Variants in DAB2 observed in about 807,000 individuals in gnomAD.
DAB2 encodes disabled homolog 2.
In DAB2, 28 loss-of-function variants were observed where a neutral mutation model predicts 71.6. The ratio of observed to expected loss-of-function variants is 0.39; its 90% confidence interval spans 0.29 to 0.54. The LOEUF is 0.54. Ranked by LOEUF, DAB2 falls within the 20% of genes least tolerant of loss-of-function variation. DAB2 has a pLI of 0.68. For missense variants in DAB2, 867 were observed against 928.8 expected (o/e 0.93, Z 0.86); for synonymous variants, 345 against 339.7 (o/e 1.02, Z -0.17).
intron 11 of DAB2, among the ~76,000 whole-genome samples, chr5:39,378,689 G>A (rs1754888548): frequency 6.6e-6 from 1 of 152,142 alleles, no homozygotes; most frequent in East Asian, 1.9e-4. Flanking sequence ...AGGAAACTGG[G>A]TGCAAGAATA....
intron 1 of DAB2, among the ~76,000 whole-genome samples, chr5:39,404,734 A>C (rs1385665599): frequency 6.6e-6 from 1 of 152,038 alleles, no homozygotes; most frequent in Non-Finnish European, 1.5e-5. Flanking sequence ...GCCCACCACT[A>C]GGCCCAGCTA....
intron 1 of DAB2, among the ~76,000 whole-genome samples, chr5:39,411,469 G>C (rs1466686601): frequency 6.6e-6 from 1 of 152,076 alleles, no homozygotes; most frequent in Non-Finnish European, 1.5e-5. Context: ...TTAGATAGGG[G>C]CTCCATTTGT....
chr5:39,390,694 G>T, intron 4 of DAB2, 119 bp from the exon 5 acceptor site: 1 of 655,864 alleles, frequency 1.5e-6, no homozygotes, highest in Non-Finnish European at 2.5e-6. Flanking sequence ...ACCATTTGAA[G>T]ATAGACTTTT....
At chr5:39,415,414 C>T (rs116711352) in intron 1 of DAB2, among the ~76,000 whole-genome samples, 33 of 152,262 alleles carry the variant, frequency 2.2e-4, no homozygotes, top group African/African-American at 7.9e-4. Context: ...ACACTATGCT[C>T]ATTTGGCATT....
rs1052645253 is a variant in DAB2, at chr5:39,424,805, G to A, written c.-103C>T. ...AAGAAGGGTTTCGAAGCTACTCACC[G>A]GCTAGCTATTGCCTCCGTGAAGCGA... On this transcript the variant is annotated splice_region_variant and 5_prime_UTR_variant, in exon 1 of 15. Coordinates refer to ENST00000320816, the MANE Select transcript of DAB2 (RefSeq NM_001343.4). 6.6e-6 allele frequency: 1 copy of A among 152,354 alleles called. No individual in the cohort carries two copies. The highest frequency in any genetic ancestry group is 1.5e-5 in the Non-Finnish European group (1 of 68,002). 9.4% of individuals were successfully genotyped at this position (152,354 alleles called of 1,614,324 possible).
intron 1 of DAB2, among the ~76,000 whole-genome samples, chr5:39,396,115 AGTTTT>A (rs1755364886): frequency 6.6e-6 from 1 of 151,650 alleles, no homozygotes; most frequent in South Asian, 2.1e-4. Flanking sequence ...CGCCCGGCTA[AGTTTT>A]GTATTTTCAG....
intron 1 of DAB2, among the ~76,000 whole-genome samples, chr5:39,402,680 A>G (rs568765380): frequency 6.6e-6 from 1 of 152,276 alleles, no homozygotes; most frequent in African/African-American, 2.4e-5. Context: ...GGCCTCTCAA[A>G]ATGTTGTAAT....
chr5:39,415,447 G>T lies in DAB2; in HGVS notation c.-102+9357C>A, dbSNP rs533008392. 1.9e-4 allele frequency among the ~76,000 whole-genome samples: 29 copies of T among 152,278 alleles called. 1 individual carries two copies. The South Asian group carries it at 6.0e-3, about 32-fold the overall frequency. ...ATTCAGTCTGGCATTCACTTAAGAA[G>T]TACAAGCAATTCAGGGAACTTCTGT... is the stretch of plus-strand genomic sequence containing the variant. On this transcript the variant is annotated intron_variant, in intron 1 of 14. Transcript: ENST00000320816.
intron 1 of DAB2, among the ~76,000 whole-genome samples, chr5:39,414,110 GC>G (rs375943641): frequency 2.0e-5 from 3 of 151,892 alleles, no homozygotes; most frequent in African/African-American, 7.2e-5. Flanking sequence ...AAACTCTTAT[GC>G]TAGGATTTTC....
rs144814734 is a variant in DAB2, at chr5:39,401,055, T to C, written c.-101-6634A>G. On this transcript the variant is annotated intron_variant, in intron 1 of 14. Coordinates refer to ENST00000320816, the MANE Select transcript of DAB2 (RefSeq NM_001343.4). ...GCGATGCTGTAGCAAAGTTAGACTGTTTCTGATACTTTATGCAAATCCTTC... is the reference window on the plus strand; with the variant it reads ...GCGATGCTGTAGCAAAGTTAGACTGCTTCTGATACTTTATGCAAATCCTTC... Among the ~76,000 whole-genome samples, 1,054 of 152,368 alleles carry C rather than the reference T, an allele frequency of 6.9e-3. 3 individuals carry two copies. The highest frequency in any genetic ancestry group is 0.024 in the South Asian group (118 of 4,830).
Position 39,377,277 on chromosome 5 carries a change from C to A in DAB2, c.1510G>T (p.Val504Leu), listed in dbSNP as rs771645127. The A allele has an allele frequency of 1.2e-6, 2 of 1,608,512 alleles. No individual in the cohort carries two copies. The highest frequency in any genetic ancestry group is 1.7e-5 in the Admixed American group (1 of 59,214). ...PVGPLVGLGG[V>L]TVTLPQAGPW... The stretch of plus-strand genomic sequence containing the variant: ...CCTGCCTGAGGGAGTGTGACAGTTA[C>A]ACCACCTGAAGTAAGAGGAAGAAAA... Residue 504 changes from valine to leucine, a missense_variant, in exon 12 of 15, where the codon GTA becomes TTA. Around this residue, in one of 2 missense-constraint regions of DAB2, gnomAD observed 740 missense variants for 734.3 expected, o/e 1.01. Coordinates refer to ENST00000320816, the MANE Select transcript of DAB2 (RefSeq NM_001343.4).
In DAB2 at chr5:39,382,792, G is replaced by C. The variant is rs749836168; in HGVS notation, c.1167C>G (p.Phe389Leu). The C allele has an allele frequency of 6.2e-7, 1 of 1,614,088 alleles. No homozygotes were observed. Among genetic ancestry groups the C allele is most frequent in the South Asian group, 1.1e-5 (1 of 91,078 alleles). The part of the protein sequence containing the change: ...NGVSEREQNG[F>L]SVKSSPNPFV... ...AAGGGTTCGGGGAGGATTTGACAGA[G>C]AAGCCGTTCTGTTCTCTTTCAGATA... The change falls in exon 10 of 15, where the codon TTC becomes TTG. Residue 389 changes from phenylalanine to leucine, a missense_variant. By Grantham distance (22) the Phe-to-Leu change is conservative (BLOSUM62 0). Around this residue, in one of 2 missense-constraint regions of DAB2, gnomAD observed 740 missense variants for 734.3 expected, o/e 1.01. Transcript: ENST00000320816.
At chr5:39,374,123 AT>A (rs1473673030) in intron 14 of DAB2, among the ~76,000 whole-genome samples, 2 of 152,194 alleles carry the variant, frequency 1.3e-5, no homozygotes, top group African/African-American at 4.8e-5. Context: ...TCTATTAAAA[AT>A]AATTACATTC....
At position 39,422,126 on chromosome 5, in the gene DAB2, C is replaced by A. The variant is rs957965213; in HGVS notation, c.-102+2678G>T. On this transcript the variant is annotated intron_variant, in intron 1 of 14. Coordinates refer to ENST00000320816, the MANE Select transcript of DAB2 (RefSeq NM_001343.4). The surrounding 1 kb of genome is among the most constrained non-coding windows in gnomAD (Gnocchi z 4.1). ...TGTTTCACCTAAATATGATTTTGGC[C>A]AACCTTTGTGCAATTCAGCGGCACA... is the stretch of plus-strand genomic sequence containing the variant. 1.5e-4 allele frequency among the ~76,000 whole-genome samples: 23 copies of A among 151,922 alleles called. No individual in the cohort carries two copies. The East Asian group carries it at 3.1e-3, about 20-fold the overall frequency.
At chr5:39,390,119 G>T (rs11740166) in intron 5 of DAB2, among the ~76,000 whole-genome samples, 187 bp from the exon 6 acceptor site, 2 of 152,014 alleles carry the variant, frequency 1.3e-5, no homozygotes, top group Non-Finnish European at 2.9e-5. Context: ...AGACAGCAGG[G>T]TTAATAAGTA....
Position 39,376,663 on chromosome 5 carries a change from C to G in DAB2, c.2124G>C (p.Leu708Phe), listed in dbSNP as rs760915155. The change falls in exon 12 of 15, where the codon TTG (leucine) becomes TTC (phenylalanine). Residue 708 changes from leucine (L) to phenylalanine (F), a missense_variant. Around this residue, in one of 2 missense-constraint regions of DAB2, gnomAD observed 740 missense variants for 734.3 expected, o/e 1.01. Coordinates refer to ENST00000320816, the MANE Select transcript of DAB2 (RefSeq NM_001343.4). ...DHDDFDANQL[L>F]NKINEPPKPA... Reference sequence around the variant, plus strand: ...TGAGTGGCTTACCATTGATCTTGTTCAATAGTTGATTAGCATCAAAGTCAT... The same window carrying G: ...TGAGTGGCTTACCATTGATCTTGTTGAATAGTTGATTAGCATCAAAGTCAT... 1.7e-5 allele frequency: 28 copies of G among 1,613,602 alleles called. No individual in the cohort carries two copies. The highest frequency in any genetic ancestry group is 2.0e-5 in the Non-Finnish European group (24 of 1,179,924).
At chr5:39,380,980 G>T (rs1561366395) in intron 11 of DAB2, among the ~76,000 whole-genome samples, 1 of 152,124 alleles carries the variant, frequency 6.6e-6, no homozygotes, top group South Asian at 2.1e-4. Flanking sequence ...TTCACTCTAT[G>T]ACTTATTCTT....
At chr5:39,399,075 G>T (rs1755441591) in intron 1 of DAB2, among the ~76,000 whole-genome samples, 1 of 152,176 alleles carries the variant, frequency 6.6e-6, no homozygotes, top group South Asian at 2.1e-4. Flanking sequence ...CTGGGGCTCT[G>T]TTGAAGAAAG....
chr5:39,414,762 G>C (rs1755811387), intron 1 of DAB2, among the ~76,000 whole-genome samples: 1 of 151,870 alleles, frequency 6.6e-6, no homozygotes. Flanking sequence ...CAGATGATAA[G>C]GCAAGCTAAA....
Sources: gnomAD v4.1 joint callset for allele counts (sites outside exome capture counted in the v4.1 genomes callset) on GRCh38, gnomAD v4.1.1 for gene constraint, gnomAD v4.1.1 regional missense constraint, Gnocchi (gnomAD v3.1) non-coding constraint, MANE v1.5 for transcripts, NCBI Gene and HGNC (gene_info 2026-07-23, HGNC 2026-07-21) for gene names.